PODXL: variants seen among roughly 807,000 people sequenced by gnomAD.
PODXL encodes podocalyxin.
Under a neutral mutation model 48.9 loss-of-function variants are expected in PODXL, and 20 were observed. The ratio of observed to expected loss-of-function variants is 0.41; its 90% CI spans 0.29 to 0.59. The LOEUF (loss-of-function observed/expected upper bound fraction) is 0.59. PODXL is among the 20% of genes least tolerant of loss of function. The pLI, the probability that PODXL is intolerant of heterozygous loss-of-function variation, is 0.31. For synonymous variants in PODXL, 295 were observed against 287.4 expected (o/e 1.03, Z -0.27); for missense variants, 606 against 675.1 (o/e 0.90, Z 1.13).
At chr7:131,546,087 C>G (rs1466191007) in intron 1 of PODXL, among the ~76,000 whole-genome samples, 1 of 152,224 alleles carries the variant, frequency 6.6e-6, no homozygotes. Context: ...GCACCTCCCC[C>G]ATGCCCTCCC....
chr7:131,516,479 T>C (rs2116803340), intron 1 of PODXL, among the ~76,000 whole-genome samples: 2 of 151,946 alleles, frequency 1.3e-5, no homozygotes, highest in Middle Eastern at 3.4e-3. Flanking sequence ...ATAGCACCAC[T>C]GCACTCCAAC....
At chr7:131,541,667 C>T (rs1197251680) in intron 1 of PODXL, among the ~76,000 whole-genome samples, 6 of 140,496 alleles carry the variant, frequency 4.3e-5, no homozygotes, top group Non-Finnish European at 9.1e-5. Context: ...AGCGAGACTC[C>T]GTCTCAAAAA....
chr7:131,512,165 G>C (rs1210597179), intron 1 of PODXL, among the ~76,000 whole-genome samples: 1 of 152,220 alleles, frequency 6.6e-6, no homozygotes, highest in Non-Finnish European at 1.5e-5. Context: ...GAAAGGCCGA[G>C]TGCCCGGACT....
chr7:131,519,180 C>G (rs578180436), intron 1 of PODXL, among the ~76,000 whole-genome samples: 2 of 152,344 alleles, frequency 1.3e-5, no homozygotes, highest in East Asian at 3.9e-4. Context: ...CTACGCCACC[C>G]TTCAGGATAT....
At chr7:131,547,483 C>G (rs952200274) in intron 1 of PODXL, among the ~76,000 whole-genome samples, 1 of 151,654 alleles carries the variant, frequency 6.6e-6, no homozygotes, top group East Asian at 1.9e-4. Flanking sequence ...GGGCACAATA[C>G]CTATTTTCCC....
At chr7:131,551,327 C>A (rs573434157) in intron 1 of PODXL, among the ~76,000 whole-genome samples, 54 of 152,182 alleles carry the variant, frequency 3.5e-4, no homozygotes, top group Non-Finnish European at 1.0e-4. Context: ...CCCTGCCCTG[C>A]TTCATGGCCA....
In PODXL at chr7:131,556,493, C is replaced by G; in HGVS notation, c.-134G>C. 1 of 1,091,410 alleles carries G rather than the reference C, an allele frequency of 9.2e-7. No homozygotes were observed. Among genetic ancestry groups the G allele is most frequent in the Non-Finnish European group, 1.2e-6 (1 of 857,274 alleles). The allele number at this position is 1,091,410 out of a possible 1,614,324, so 67.6% of individuals were successfully genotyped here. On this transcript the variant is annotated 5_prime_UTR_variant, in exon 1 of 9. Transcript: ENST00000378555. ...CCGGAGGCCAGGCTGTGGCCCGGGGCTCCCGAGTCGCGCTGCGGCGGCTCT... is the reference window on the plus strand; with the variant it reads ...CCGGAGGCCAGGCTGTGGCCCGGGGGTCCCGAGTCGCGCTGCGGCGGCTCT...
intron 1 of PODXL, among the ~76,000 whole-genome samples, chr7:131,516,736 CTTTTTTTT>C (rs58722955): frequency 2.4e-5 from 3 of 125,640 alleles, no homozygotes; most frequent in African/African-American, 6.0e-5. Flanking sequence ...TTTTTTTTCT[CTTTTTTTT>C]TTTTTTTTTG....
At chr7:131,512,384 C>T (rs569813098) in intron 1 of PODXL, among the ~76,000 whole-genome samples, 3 of 152,136 alleles carry the variant, frequency 2.0e-5, no homozygotes, top group Middle Eastern at 3.4e-3. Flanking sequence ...GATGCAGAGA[C>T]GAGCGGGGAG....
chr7:131,550,533 C>T (rs1055394987), intron 1 of PODXL, among the ~76,000 whole-genome samples: 3 of 152,070 alleles, frequency 2.0e-5, no homozygotes, highest in African/African-American at 7.2e-5. Flanking sequence ...GTAGTCCCAG[C>T]TACTCAGGAG....
intron 1 of PODXL, among the ~76,000 whole-genome samples, chr7:131,520,754 C>G (rs770654845): frequency 6.6e-6 from 1 of 152,160 alleles, no homozygotes; most frequent in African/African-American, 2.4e-5. Context: ...AAGAAAAAGA[C>G]TGATACATTT....
chr7:131,528,387 G>A (rs1037830158), intron 1 of PODXL, among the ~76,000 whole-genome samples: 38 of 152,332 alleles, frequency 2.5e-4, no homozygotes, highest in African/African-American at 7.7e-4. Flanking sequence ...AAATACTCAT[G>A]TTGGAAATAG....
intron 5 of PODXL, 23 bp from the exon 6 acceptor site, chr7:131,506,749 G>A (rs1409170391): frequency 1.2e-6 from 2 of 1,613,130 alleles, no homozygotes; most frequent in Non-Finnish European, 1.7e-6. Flanking sequence ...GAGCGCAGGT[G>A]ACTCCGCGGG....
chr7:131,516,613 C>T (rs1361954270), intron 1 of PODXL, among the ~76,000 whole-genome samples: 1 of 152,084 alleles, frequency 6.6e-6, no homozygotes, highest in African/African-American at 2.4e-5. Context: ...ATGACACTCC[C>T]TTTACAAGGC....
At chr7:131,514,191 G>A (rs1797957828) in intron 1 of PODXL, among the ~76,000 whole-genome samples, 1 of 152,232 alleles carries the variant, frequency 6.6e-6, no homozygotes, top group East Asian at 1.9e-4. Context: ...GCCAAGGCAG[G>A]TGGATCACCT....
chr7:131,538,807 CT>C (rs1176680690), intron 1 of PODXL, among the ~76,000 whole-genome samples: 1 of 152,192 alleles, frequency 6.6e-6, no homozygotes, highest in African/African-American at 2.4e-5. Flanking sequence ...GCCCCTGGAG[CT>C]TTGTACGTGG....
chr7:131,540,847 G>C (rs1442413980), intron 1 of PODXL, among the ~76,000 whole-genome samples: 1 of 152,218 alleles, frequency 6.6e-6, no homozygotes, highest in East Asian at 1.9e-4. Flanking sequence ...CCGCATGCAT[G>C]GCTGTGGGAT....
At chr7:131,553,320 C>T (rs529751877) in intron 1 of PODXL, among the ~76,000 whole-genome samples, 42 of 152,296 alleles carry the variant, frequency 2.8e-4, no homozygotes, top group African/African-American at 8.9e-4. Context: ...CCACCCCTTC[C>T]AAATCTTATA....
chr7:131,546,819 G>C (rs1318077314), intron 1 of PODXL, among the ~76,000 whole-genome samples: 1 of 151,950 alleles, frequency 6.6e-6, no homozygotes, highest in Non-Finnish European at 1.5e-5. Flanking sequence ...AGGAGCACCA[G>C]GCAGGAATAG....
Sources: allele counts gnomAD v4.1 joint callset (sites outside exome capture counted in the v4.1 genomes callset), GRCh38; gene constraint gnomAD v4.1.1; transcripts MANE v1.5; gene names NCBI Gene and HGNC (gene_info 2026-07-23, HGNC 2026-07-21).